The following THSD7A variants were observed in gnomAD, a reference collection of about 807,000 sequenced individuals.
THSD7A encodes thrombospondin type 1 domain containing 7A.
Under a neutral mutation model 231.3 loss-of-function variants are expected in THSD7A, and 96 were observed. The observed-to-expected ratio is 0.41, with a 90% CI of 0.35 to 0.49. The LOEUF is 0.49. Ranked by LOEUF, THSD7A falls within the 20% of genes least tolerant of loss-of-function variation. THSD7A has a pLI of 0.05. For missense variants in THSD7A, 2,290 were observed against 2,070.2 expected, an observed-to-expected ratio of 1.11 and a Z score of -2.06; for synonymous variants, 940 against 743.3, an observed-to-expected ratio of 1.26 and a Z score of -4.30.
intron 1 of THSD7A, among the ~76,000 whole-genome samples, chr7:11,764,886 A>T (rs577064066): frequency 6.6e-6 from 1 of 152,202 alleles, no homozygotes; most frequent in Non-Finnish European, 1.5e-5. Flanking sequence ...AACTATGAAA[A>T]ATTAGGATAT....
intron 23 of THSD7A, among the ~76,000 whole-genome samples, chr7:11,400,320 T>A (rs1783356019): frequency 6.6e-6 from 1 of 152,174 alleles, no homozygotes; most frequent in African/African-American, 2.4e-5. Context: ...TTAAAAAAAT[T>A]AAAAAAGAAT....
intron 1 of THSD7A, among the ~76,000 whole-genome samples, chr7:11,698,238 G>T (rs758544340): frequency 4.0e-5 from 6 of 151,370 alleles, no homozygotes; most frequent in Non-Finnish European, 7.4e-5. Context: ...GATAACACAG[G>T]TCTGATTTTT....
chr7:11,717,423 C>T (rs1300533413), intron 1 of THSD7A, among the ~76,000 whole-genome samples: 1 of 151,644 alleles, frequency 6.6e-6, no homozygotes, highest in Admixed American at 6.6e-5. Flanking sequence ...AAGTGCATTC[C>T]TACCTCTCCT....
chr7:11,774,199 C>A (rs1312069557), intron 1 of THSD7A, among the ~76,000 whole-genome samples: 1 of 152,022 alleles, frequency 6.6e-6, no homozygotes, highest in Admixed American at 6.6e-5. Context: ...CATAGATGAA[C>A]CTGGAAAACC....
chr7:11,392,383 C>T (rs1300320975), intron 23 of THSD7A, among the ~76,000 whole-genome samples: 1 of 152,134 alleles, frequency 6.6e-6, no homozygotes, highest in African/African-American at 2.4e-5. Flanking sequence ...CTTTGCAACC[C>T]ACTAGACCAG....
chr7:11,719,632 C>G (rs1472553080), intron 1 of THSD7A, among the ~76,000 whole-genome samples: 1 of 151,552 alleles, frequency 6.6e-6, no homozygotes, highest in Non-Finnish European at 1.5e-5. Context: ...AGTTATTTTT[C>G]TCCTCCTCAA....
intron 6 of THSD7A, chr7:11,520,315 G>A (rs1258828966): frequency 6.6e-6 from 1 of 152,084 alleles, no homozygotes; most frequent in Non-Finnish European, 1.5e-5. Context: ...CCTTTGGAGG[G>A]CTGTTACAAA....
At chr7:11,748,660 TATC>T (rs1476232962) in intron 1 of THSD7A, among the ~76,000 whole-genome samples, 1 of 151,956 alleles carries the variant, frequency 6.6e-6, no homozygotes, top group Non-Finnish European at 1.5e-5. Context: ...ATGTACAAAC[TATC>T]ATCAGAGTCA....
At chr7:11,724,986 G>T (rs1226806193) in intron 1 of THSD7A, among the ~76,000 whole-genome samples, 1 of 151,650 alleles carries the variant, frequency 6.6e-6, no homozygotes, top group African/African-American at 2.4e-5. Flanking sequence ...TCTGATGCAA[G>T]ACTTAAGCAG....
intron 1 of THSD7A, among the ~76,000 whole-genome samples, chr7:11,766,607 A>C (rs1783036862): frequency 6.6e-6 from 1 of 152,214 alleles, no homozygotes; most frequent in Non-Finnish European, 1.5e-5. Context: ...TAGCCAAGCA[A>C]TAAATATATG....
intron 1 of THSD7A, among the ~76,000 whole-genome samples, chr7:11,825,669 G>A (rs1472851162): frequency 6.6e-6 from 1 of 152,058 alleles, no homozygotes; most frequent in Non-Finnish European, 1.5e-5. Flanking sequence ...TTAAACCTCA[G>A]AAAACCCCTA....
At chr7:11,473,558 T>A (rs1322338372) in intron 8 of THSD7A, among the ~76,000 whole-genome samples, 3 of 152,204 alleles carry the variant, frequency 2.0e-5, no homozygotes, top group African/African-American at 7.2e-5. Context: ...AAAAGTATGT[T>A]AAGTTTTGAA....
Position 11,375,689 on chromosome 7 carries a change from T to C in THSD7A, c.*105A>G, listed in dbSNP as rs1782240942. On this transcript the variant is annotated 3_prime_UTR_variant, in exon 28 of 28. Transcript: ENST00000423059. ...GTCTTTATGATGCCATTTTTAAAAA[T>C]TAAAATATATTTTAATCCACACAGT... 1.1e-6 allele frequency: 1 copy of C among 951,858 alleles called. No homozygotes were observed. The highest frequency in any genetic ancestry group is 2.5e-5 in the East Asian group (1 of 39,730). 59.0% of individuals were successfully genotyped at this position (951,858 alleles called of 1,614,324 possible).
intron 1 of THSD7A, among the ~76,000 whole-genome samples, chr7:11,642,977 T>C (rs1782142380): frequency 6.6e-6 from 1 of 151,998 alleles, no homozygotes; most frequent in Non-Finnish European, 1.5e-5. Flanking sequence ...ATGAGAACAA[T>C]AAAAGGTTGA....
chr7:11,758,293 T>G (rs1414051953), intron 1 of THSD7A, among the ~76,000 whole-genome samples: 1 of 151,988 alleles, frequency 6.6e-6, no homozygotes, highest in Non-Finnish European at 1.5e-5. Flanking sequence ...GTGGAACTGA[T>G]GTCTAGAGAA....
chr7:11,772,354 C>G lies in THSD7A; in HGVS notation c.190+59403G>C, dbSNP rs547576379. On this transcript the variant is annotated intron_variant, in intron 1 of 27. Transcript: ENST00000423059. Reference sequence around the variant, plus strand: ...CTTAAAACAGAACTACCATTTGACCCAAGAATCCCATTACTGGGTATATAT... The same window carrying G: ...CTTAAAACAGAACTACCATTTGACCGAAGAATCCCATTACTGGGTATATAT... Among the ~76,000 whole-genome samples, 69 of 152,200 alleles carry G rather than the reference C, an allele frequency of 4.5e-4. 1 individual carries two copies. Among genetic ancestry groups the G allele is most frequent in the African/African-American group, 1.7e-3 (69 of 41,520 alleles).
intron 6 of THSD7A, among the ~76,000 whole-genome samples, chr7:11,525,758 T>TTATA (rs1788446897): frequency 2.0e-5 from 3 of 152,160 alleles, no homozygotes; most frequent in African/African-American, 7.2e-5. Flanking sequence ...CTATTCTTAT[T>TTATA]TATTTGCTAG....
intron 6 of THSD7A, among the ~76,000 whole-genome samples, chr7:11,535,880 C>T (rs991337017): frequency 6.6e-6 from 1 of 152,062 alleles, no homozygotes. Context: ...AGGTGAGTTT[C>T]CATTCTATAA....
intron 6 of THSD7A, among the ~76,000 whole-genome samples, chr7:11,514,837 A>G (rs1787961883): frequency 6.6e-6 from 1 of 152,164 alleles, no homozygotes; most frequent in South Asian, 2.1e-4. Context: ...TTGGAAGAAC[A>G]TAGAAACATT....
Sources: allele counts gnomAD v4.1 joint callset (sites outside exome capture counted in the v4.1 genomes callset), GRCh38; gene constraint gnomAD v4.1.1; transcripts MANE v1.5; gene names NCBI Gene and HGNC (gene_info 2026-07-23, HGNC 2026-07-21).